Variants in CFI observed in about 807,000 individuals in gnomAD.
CFI encodes C3B/C4B inactivator.
CFI carries 66 observed loss-of-function variants against 78.8 expected under a neutral mutation model. The ratio of observed to expected loss-of-function variants is 0.84; its 90% CI spans 0.69 to 1.03. The LOEUF (loss-of-function observed/expected upper bound fraction) is 1.03, where lower values mean the gene tolerates loss of function less well. Among genes scored for constraint, CFI ranks in the 50% least tolerant of loss-of-function variants. The pLI is 0.00. For synonymous variants in CFI, 250 were observed against 232.6 expected, an observed-to-expected ratio of 1.07 and a Z score of -0.68; for missense variants, 706 against 704.5, an observed-to-expected ratio of 1.00 and a Z score of -0.02.
chr4:109,796,557 T>G (rs1247299334), intron 1 of CFI, among the ~76,000 whole-genome samples: 5 of 152,198 alleles, frequency 3.3e-5, no homozygotes, highest in Admixed American at 2.6e-4. Flanking sequence ...TTCCCAGTGC[T>G]TTGAGAGGCC....
intron 3 of CFI, 119 bp from the exon 4 acceptor site, chr4:109,761,811 G>A (rs1013368131): frequency 2.4e-6 from 2 of 823,882 alleles, no homozygotes; most frequent in Non-Finnish European, 4.0e-6. Flanking sequence ...AGGAGTTACA[G>A]CTTGGGCAAG....
chr4:109,745,527 C>T (rs1213957842), intron 11 of CFI, among the ~76,000 whole-genome samples: 1 of 152,238 alleles, frequency 6.6e-6, no homozygotes, highest in Non-Finnish European at 1.5e-5. Flanking sequence ...AATCTAATCT[C>T]TAATTCAGCA....
rs185608865 is a variant in CFI, at chr4:109,741,339, T to C, written c.1535-229A>G. 4.1e-6 allele frequency: 4 copies of C among 985,446 alleles called. No individual in the cohort carries two copies. In the East Asian group the frequency reaches 4.5e-4, roughly 112 times the overall value. The allele number at this position is 985,446 out of a possible 1,614,324, so 61.0% of individuals were successfully genotyped here. On this transcript the variant is annotated intron_variant, in intron 12 of 12. Transcript: ENST00000394634. ...CCCCCAATTCAGCATGTTCTTCCTGTGTTCTCTACTTTATACGACTGAGTA... is the reference window on the plus strand; with the variant it reads ...CCCCCAATTCAGCATGTTCTTCCTGCGTTCTCTACTTTATACGACTGAGTA...
chr4:109,765,620 C>G (rs17040826), intron 2 of CFI, among the ~76,000 whole-genome samples: 46,270 of 151,992 alleles, frequency 0.3, 7,312 homozygotes, highest in Middle Eastern at 0.4. Context: ...CATAACTACC[C>G]ACTAGTCTGA....
the CFI span, among the ~76,000 whole-genome samples, chr4:109,731,463 C>T: frequency 6.6e-6 from 1 of 152,204 alleles, no homozygotes; most frequent in African/African-American, 2.4e-5. Flanking sequence ...TTATAATAAA[C>T]GTTCAGTGCA....
At chr4:109,767,206 A>T (rs7694132) in intron 1 of CFI, among the ~76,000 whole-genome samples, 147,408 of 151,840 alleles carry the variant, frequency 0.97, 71,697 homozygotes, top group East Asian at 1. Flanking sequence ...AATACCATTC[A>T]GGACATAGGC....
At chr4:109,789,044 G>T (rs1731062847) in intron 1 of CFI, among the ~76,000 whole-genome samples, 1 of 151,750 alleles carries the variant, frequency 6.6e-6, no homozygotes, top group Non-Finnish European at 1.5e-5. Context: ...GATCCAAATT[G>T]AACTTCTAGG....
rs779337549 is a variant in CFI, at chr4:109,741,123, T to C, written c.1535-13A>G. 2 of 1,613,834 alleles carry C rather than the reference T, an allele frequency of 1.2e-6. No individual in the cohort carries two copies. Among genetic ancestry groups the C allele is most frequent in the East Asian group, 2.2e-5 (1 of 44,880 alleles). ...CCATCATATGTACCTAAGAAAGAAATGTGAAAGAGAAAATCACACATTTCC... is the reference window on the plus strand; with the variant it reads ...CCATCATATGTACCTAAGAAAGAAACGTGAAAGAGAAAATCACACATTTCC... On this transcript the variant is annotated splice_polypyrimidine_tract_variant and intron_variant, in intron 12 of 12. Coordinates refer to ENST00000394634, the MANE Select transcript of CFI (RefSeq NM_000204.5).
In CFI at chr4:109,760,547, G is replaced by T. The variant is rs753946575; in HGVS notation, c.748C>A (p.Gln250Lys). ...CCTTTACAACACAGTTCATCACTTT[G>T]GTCTCCACAATCATTGATACCATCA... ...ACDGINDCGD[Q>K]SDELCCKACQ... The change falls in exon 5 of 13, where the codon CAA becomes AAA. Residue 250 changes from glutamine (Q) to lysine (K), a missense_variant. By Grantham distance (53) the Gln-to-Lys change is moderately conservative (BLOSUM62 1). Transcript: ENST00000394634. 1.3e-6 allele frequency: 2 copies of T among 1,597,918 alleles called. No homozygotes were observed. The highest frequency in any genetic ancestry group is 1.7e-6 in the Non-Finnish European group (2 of 1,165,392).
In CFI at chr4:109,749,229, T is replaced by C. The variant is rs1195216050; in HGVS notation, c.1137A>G (p.Ala379=). 2 of 1,613,920 alleles carry C rather than the reference T, an allele frequency of 1.2e-6. No homozygotes were observed. The highest frequency in any genetic ancestry group is 4.5e-5 in the East Asian group (2 of 44,890). The change falls in exon 10 of 13, where the codon GCA becomes GCG. Residue 379 remains alanine, a synonymous_variant. Transcript: ENST00000394634. ...AAGACATCTTTTACCTGAGACAATG[T>C]GCAGCAGTCAGAATCCAACAGCCAC... ...YIGGCWILTA[A]HCLRASKTHR...
chr4:109,794,252 G>A (rs1019025084), intron 1 of CFI: 1 of 151,880 alleles, frequency 6.6e-6, no homozygotes, highest in Non-Finnish European at 1.5e-5. Context: ...TCCTTCTGGG[G>A]TTCCATTATA....
rs749107199 is a variant in CFI, at chr4:109,742,462, A to G, written c.1534+29T>C. On this transcript the variant is annotated intron_variant, in intron 12 of 12. Transcript: ENST00000394634. ...TGATAGGGGAAATACATACATCTTG[A>G]CATCTTGGATAAACCACTTGGCACT... 9 of 1,375,436 alleles carry G rather than the reference A, an allele frequency of 6.5e-6. No homozygotes were observed. In the South Asian group the frequency reaches 1.0e-4, roughly 16 times the overall value. 85.2% of individuals were successfully genotyped at this position (1,375,436 alleles called of 1,614,324 possible). A position where few individuals can be genotyped will look rare whatever the true frequency, so the allele number is the denominator to read the frequency against.
At chr4:109,755,800 A>T (rs1324047175) in intron 7 of CFI, among the ~76,000 whole-genome samples, 2 of 152,212 alleles carry the variant, frequency 1.3e-5, no homozygotes, top group Non-Finnish European at 2.9e-5. Context: ...GCCCAGCTAG[A>T]TGCCTCGAAG....
intron 12 of CFI, 82 bp downstream of exon 12, chr4:109,742,408 TG>T: frequency 1.1e-6 from 1 of 918,124 alleles, no homozygotes; most frequent in Admixed American, 1.8e-5. Flanking sequence ...GCCCAAAGCA[TG>T]GGGGCTGATG....
intron 7 of CFI, among the ~76,000 whole-genome samples, chr4:109,757,122 G>A (rs1726413115): frequency 6.6e-6 from 1 of 151,736 alleles, no homozygotes; most frequent in South Asian, 2.1e-4. Context: ...TCCGCCTCCC[G>A]GGTTCACGCC....
At chr4:109,749,091 T>A in intron 10 of CFI, 127 bp downstream of exon 10, 2 of 890,534 alleles carry the variant, frequency 2.2e-6, no homozygotes, top group Non-Finnish European at 3.8e-6. Flanking sequence ...TACCAGAGGA[T>A]ACTTTGCAAT....
At chr4:109,752,850 C>T (rs1170356146) in intron 7 of CFI, among the ~76,000 whole-genome samples, 1 of 135,652 alleles carries the variant, frequency 7.4e-6, no homozygotes, top group Non-Finnish European at 1.5e-5. Context: ...CTCTGCATCC[C>T]CAGGGTGTTT....
chr4:109,751,881 G>A (rs1342580435), intron 8 of CFI, among the ~76,000 whole-genome samples: 1 of 152,122 alleles, frequency 6.6e-6, no homozygotes, highest in Admixed American at 6.6e-5. Flanking sequence ...TGTATTTGAG[G>A]TTGAGTTACT....
intron 8 of CFI, 151 bp from the exon 9 acceptor site, chr4:109,749,753 C>T (rs1226320695): frequency 6.4e-6 from 4 of 622,216 alleles, no homozygotes; most frequent in Non-Finnish European, 1.1e-5. Context: ...AATGCTAAAC[C>T]ATACTATTCA....
Sources: gnomAD v4.1 joint callset for allele counts (sites outside exome capture counted in the v4.1 genomes callset) on GRCh38, gnomAD v4.1.1 for gene constraint, MANE v1.5 for transcripts, NCBI Gene and HGNC (gene_info 2026-07-23, HGNC 2026-07-21) for gene names.